The following SIM2 variants were observed in gnomAD, a reference collection of about 807,000 sequenced individuals.
SIM2 encodes the protein single-minded homolog 2.
A neutral mutation model predicts 64.8 loss-of-function variants in SIM2; 28 were observed. That is an observed-to-expected ratio of 0.43 (90% CI 0.32 to 0.59). The LOEUF (loss-of-function observed/expected upper bound fraction) is 0.59. Among genes scored for constraint, SIM2 ranks in the 20% least tolerant of loss-of-function variants. The pLI is 0.07. For synonymous variants in SIM2, 408 were observed against 391.1 expected, an observed-to-expected ratio of 1.04 and a Z score of -0.51; for missense variants, 847 against 871.4, an observed-to-expected ratio of 0.97 and a Z score of 0.35.
At position 36,747,768 on chromosome 21, in the gene SIM2, C is replaced by T; in HGVS notation, c.1680C>T (p.Ala560=). The part of the protein sequence containing the change: ...REEPALGPAK[A]ARQAARDGAR... ...AGCCCGCGCTGGGCCCGGCCAAAGC[C>T]GCCCGCCAGGCCGCCCGGGACGGGG... Residue 560 remains alanine, a synonymous_variant, in exon 11 of 11, where the codon GCC becomes GCT. Transcript: ENST00000290399. The surrounding 1 kb of genome is among the most constrained non-coding windows in gnomAD (Gnocchi z 4.5). 2 of 1,144,112 alleles carry T rather than the reference C, an allele frequency of 1.7e-6. No individual in the cohort carries two copies. Among genetic ancestry groups the T allele is most frequent in the Non-Finnish European group, 2.1e-6 (2 of 934,182 alleles). 70.9% of individuals were successfully genotyped at this position (1,144,112 alleles called of 1,614,324 possible).
At chr21:36,724,157 T>C (rs982321998) in intron 5 of SIM2, among the ~76,000 whole-genome samples, 1 of 152,244 alleles carries the variant, frequency 6.6e-6, no homozygotes, top group African/African-American at 2.4e-5. Flanking sequence ...AGCTCCTCCT[T>C]TGACCTATAT....
intron 7 of SIM2, among the ~76,000 whole-genome samples, chr21:36,734,705 G>A (rs2089019567): frequency 6.6e-6 from 1 of 152,186 alleles, no homozygotes; most frequent in South Asian, 2.1e-4. Flanking sequence ...GCACTCAACT[G>A]GAATGTCACA....
rs765910455 is a variant in SIM2, at chr21:36,741,857, G to A, written c.991G>A (p.Val331Ile). The change falls in exon 8 of 11, where the codon GTA becomes ATA. Residue 331 changes from valine (V) to isoleucine (I), a missense_variant. Physicochemically the swap from Val to Ile is conservative, Grantham distance 29. Around this residue, in one of 3 missense-constraint regions of SIM2, gnomAD observed 3 missense variants for 17.6 expected, o/e 0.17. Coordinates refer to ENST00000290399, the MANE Select transcript of SIM2 (RefSeq NM_005069.6). ...CCACTGCATCGTGAGTGTCAATTATGTACTCACGTAAGTCACACGTATTTG... is the reference window on the plus strand; with the variant it reads ...CCACTGCATCGTGAGTGTCAATTATATACTCACGTAAGTCACACGTATTTG... ...RPHCIVSVNY[V>I]LTEIEYKELQ... is the part of the protein sequence containing the mutation. 3 of 1,586,758 alleles carry A rather than the reference G, an allele frequency of 1.9e-6. No individual in the cohort carries two copies. Among genetic ancestry groups the A allele is most frequent in the African/African-American group, 1.3e-5 (1 of 74,612 alleles).
At chr21:36,727,817 C>A (rs2088912829) in intron 6 of SIM2, among the ~76,000 whole-genome samples, 1 of 152,182 alleles carries the variant, frequency 6.6e-6, no homozygotes, top group Non-Finnish European at 1.5e-5. Context: ...ATACACATCA[C>A]ATAAAATTGA....
intron 1 of SIM2, among the ~76,000 whole-genome samples, chr21:36,705,260 G>A (rs952715899): frequency 5.3e-5 from 8 of 152,356 alleles, no homozygotes; most frequent in Admixed American, 4.6e-4. Context: ...AGCAGGGAGC[G>A]GAAGAGGCAG....
chr21:36,743,586 C>G, intron 9 of SIM2, 31 bp downstream of exon 9: 1 of 1,603,182 alleles, frequency 6.2e-7, no homozygotes, highest in Non-Finnish European at 8.5e-7. Context: ...TTTTGGGGTG[C>G]TGACATCTAT....
chr21:36,731,551 G>T (rs1482823902), intron 7 of SIM2, among the ~76,000 whole-genome samples: 1 of 152,172 alleles, frequency 6.6e-6, no homozygotes, highest in East Asian at 1.9e-4. Context: ...GTGAGGGAGG[G>T]TCTCACTGTC....
At chr21:36,722,877 C>G (rs895093096) in intron 4 of SIM2, among the ~76,000 whole-genome samples, 168 bp from the exon 5 acceptor site, 1 of 152,122 alleles carries the variant, frequency 6.6e-6, no homozygotes, top group Non-Finnish European at 1.5e-5. Flanking sequence ...GTCTCCACTG[C>G]CCCACCCAGA....
intron 7 of SIM2, among the ~76,000 whole-genome samples, chr21:36,736,745 T>TCCC (rs71198835): frequency 4.0e-4 from 59 of 146,870 alleles, no homozygotes; most frequent in Admixed American, 3.3e-4. Context: ...TCCCTTCCCT[T>TCCC]TCCTTTCCTC....
rs137919419 is a variant in SIM2 at position 36,745,587 on chromosome 21, G to A, written c.1576+451G>A. On this transcript the variant is annotated intron_variant, in intron 10 of 10. Transcript: ENST00000290399. This position sits in a 1 kb window ranked among gnomAD's most constrained non-coding sequence, Gnocchi z 4.8. ...CAGTTTTGGAAGTGGGGAAAACTATGGTGGAAATTTGTGGGCTTGGGGACA... is the reference window on the plus strand; with the variant it reads ...CAGTTTTGGAAGTGGGGAAAACTATAGTGGAAATTTGTGGGCTTGGGGACA... 1.7e-5 allele frequency: 19 copies of A among 1,118,586 alleles called. No homozygotes were observed. In the African/African-American group the frequency reaches 2.9e-4, roughly 17 times the overall value. The allele number at this position is 1,118,586 out of a possible 1,614,324, so 69.3% of individuals were successfully genotyped here.
At position 36,744,748 on chromosome 21, in the gene SIM2, G is replaced by A; in HGVS notation, c.1188G>A (p.Met396Ile). 6.2e-7 allele frequency: 1 copy of A among 1,607,286 alleles called. No homozygotes were observed. Among genetic ancestry groups the A allele is most frequent in the South Asian group, 1.1e-5 (1 of 89,786 alleles). Residue 396 changes from methionine (M) to isoleucine (I), a missense_variant, in exon 10 of 11, where the codon ATG becomes ATA. Physicochemically the swap from Met to Ile is conservative, Grantham distance 10. This residue lies in a region of SIM2 where 447 missense variants were observed against 414.6 expected (regional missense o/e 1.08). Transcript: ENST00000290399. ...YPPQQYSSFQ[M>I]DKLECGQLGN... ...TGCAGCAATACAGCTCGTTCCAAAT[G>A]GACAAACTGGAATGCGGCCAGCTCG...
At chr21:36,709,586 G>T in intron 2 of SIM2, 1 of 449,194 alleles carries the variant, frequency 2.2e-6, no homozygotes, top group African/African-American at 2.0e-5. Flanking sequence ...CCCAGCGCTT[G>T]CTCTGTGCCA....
At chr21:36,714,854 C>T (rs1179917316) in intron 3 of SIM2, among the ~76,000 whole-genome samples, 2 of 152,188 alleles carry the variant, frequency 1.3e-5, no homozygotes, top group African/African-American at 4.8e-5. Context: ...GGTTCGTGAT[C>T]GGCTCCACGG....
rs2089291356 is a variant in SIM2, at chr21:36,749,298, C to T, written c.*1206C>T. 1 of 152,628 alleles carries T rather than the reference C, an allele frequency of 6.6e-6. No individual in the cohort carries two copies. The highest frequency in any genetic ancestry group is 2.4e-5 in the African/African-American group (1 of 41,464). The allele number at this position is 152,628 out of a possible 1,614,324, so 9.5% of individuals were successfully genotyped here. ...CCTTCAATTTTCTTCACACTATCAA[C>T]ACTGCAGCATTTTGCTGCTTTATCA... On this transcript the variant is annotated 3_prime_UTR_variant, in exon 11 of 11. Coordinates refer to ENST00000290399, the MANE Select transcript of SIM2 (RefSeq NM_005069.6).
At position 36,722,906 on chromosome 21, in the gene SIM2, A is replaced by G. The variant is rs2088842729; in HGVS notation, c.458-139A>G. On this transcript the variant is annotated intron_variant, in intron 4 of 10. Transcript: ENST00000290399. The stretch of plus-strand genomic sequence containing the variant: ...ACCCAGATCTCAGCCAAGGCCGAAG[A>G]TCTCTGAGCAGGGTCTGGGCACACT... 3 of 695,288 alleles carry G rather than the reference A, an allele frequency of 4.3e-6. No homozygotes were observed. In the South Asian group the frequency reaches 5.0e-5, roughly 12 times the overall value. 43.1% of individuals were successfully genotyped at this position (695,288 alleles called of 1,614,324 possible).
intron 9 of SIM2, among the ~76,000 whole-genome samples, chr21:36,743,804 A>G (rs556331994): frequency 2.0e-5 from 3 of 152,198 alleles, no homozygotes; most frequent in Non-Finnish European, 4.4e-5. Context: ...ACTAGAATCC[A>G]TGGGTTAGAT....
At chr21:36,705,416 A>T (rs1388690814) in intron 1 of SIM2, among the ~76,000 whole-genome samples, 1 of 151,728 alleles carries the variant, frequency 6.6e-6, no homozygotes, top group East Asian at 1.9e-4. Context: ...CCCCTCCCCT[A>T]CCCCAGCTCC....
Position 36,699,591 on chromosome 21 carries a change from C to T in SIM2, c.-156C>T, listed in dbSNP as rs1051198559. On this transcript the variant is annotated 5_prime_UTR_variant, in exon 1 of 11. Coordinates refer to ENST00000290399, the MANE Select transcript of SIM2 (RefSeq NM_005069.6). This position sits in a 1 kb window ranked among gnomAD's most constrained non-coding sequence, Gnocchi z 5.6. ...GCCCGGCGGCTGCGGGGAGGCGTCT[C>T]GGAACCCCGGGAGGCCCCCCGCACC... The T allele has an allele frequency of 2.9e-6, 2 of 699,630 alleles. No individual in the cohort carries two copies. Among genetic ancestry groups the T allele is most frequent in the South Asian group, 2.6e-5 (1 of 39,064 alleles). 43.3% of individuals were successfully genotyped at this position (699,630 alleles called of 1,614,324 possible).
chr21:36,722,054 C>T (rs555229142), intron 4 of SIM2, among the ~76,000 whole-genome samples: 74 of 152,290 alleles, frequency 4.9e-4, no homozygotes, highest in Non-Finnish European at 6.8e-4. Flanking sequence ...GCTGACTTTC[C>T]GTGTCTGAAA....
Sources: gnomAD v4.1 joint callset for allele counts (sites outside exome capture counted in the v4.1 genomes callset) on GRCh38, gnomAD v4.1.1 for gene constraint, gnomAD v4.1.1 regional missense constraint, Gnocchi (gnomAD v3.1) non-coding constraint, MANE v1.5 for transcripts, NCBI Gene and HGNC (gene_info 2026-07-23, HGNC 2026-07-21) for gene names.